Variants in CAST observed in about 807,000 individuals in gnomAD.
The protein encoded by CAST is calpastatin.
CAST carries 76 observed loss-of-function variants against 119.6 expected under a neutral mutation model. That is an observed-to-expected ratio of 0.64 (90% confidence interval 0.53 to 0.77). The LOEUF (loss-of-function observed/expected upper bound fraction) is 0.77. Ranked by LOEUF, CAST falls within the 30% of genes least tolerant of loss-of-function variation. The pLI is 0.00. For missense variants in CAST, 953 were observed against 946.5 expected (o/e 1.01, Z -0.09); for synonymous variants, 319 against 331.6 (o/e 0.96, Z 0.41).
At chr5:96,283,776 T>C in the CAST span, among the ~76,000 whole-genome samples, 1 of 152,216 alleles carries the variant, frequency 6.6e-6, no homozygotes. Context: ...ATCTTGCTTG[T>C]AAAGTGTCGT....
the CAST span, among the ~76,000 whole-genome samples, chr5:96,490,654 T>C: frequency 2.0e-5 from 3 of 152,066 alleles, no homozygotes; most frequent in Non-Finnish European, 4.4e-5. Flanking sequence ...AGTGGGGATT[T>C]GTCATCACAA....
the CAST span, among the ~76,000 whole-genome samples, chr5:96,049,526 T>C: frequency 1.3e-5 from 2 of 152,042 alleles, no homozygotes; most frequent in Non-Finnish European, 2.9e-5. Flanking sequence ...CAGGGGCTGA[T>C]TGAATGCCTC....
rs13184028 is a variant in CAST, at chr5:96,614,833, G to T, written c.61-60706G>T. Among the ~76,000 whole-genome samples the T allele has an allele frequency of 3.5e-3, 533 of 152,252 alleles. 2 individuals carry two copies. Among genetic ancestry groups the T allele is most frequent in the South Asian group, 0.016 (76 of 4,816 alleles). On this transcript the variant is annotated intron_variant, in intron 1 of 11. Transcript: ENST00000505143. ...TCCCACCCTAAGCTTGGTAAAATGA[G>T]GCACCTGTCACTAAGAAGGCTAATG...
the CAST span, among the ~76,000 whole-genome samples, chr5:96,224,614 G>A: frequency 6.6e-6 from 1 of 152,170 alleles, no homozygotes; most frequent in African/African-American, 2.4e-5. Flanking sequence ...GGAGCATCTG[G>A]AAGAAGCAAG....
the CAST span, among the ~76,000 whole-genome samples, chr5:96,466,165 T>A: frequency 4.6e-5 from 7 of 152,136 alleles, no homozygotes; most frequent in African/African-American, 1.7e-4. Context: ...GTACTATCTG[T>A]ATAGTTAATT....
intron 1 of CAST, among the ~76,000 whole-genome samples, chr5:96,601,273 TTTCTTTA>T (rs1747147740): frequency 6.6e-6 from 1 of 152,220 alleles, no homozygotes; most frequent in Non-Finnish European, 1.5e-5. Context: ...TGTGTCCTAC[TTTCTTTA>T]TTGAATGGCA....
chr5:96,565,804 A>G (rs1172988398), intron 1 of CAST, among the ~76,000 whole-genome samples: 1 of 152,196 alleles, frequency 6.6e-6, no homozygotes, highest in Non-Finnish European at 1.5e-5. Context: ...GCTCTCCTAC[A>G]GGGTAATTGG....
the CAST span, among the ~76,000 whole-genome samples, chr5:96,089,066 CTTTTTTTTT>C: frequency 1.7e-5 from 2 of 117,718 alleles, no homozygotes; most frequent in Non-Finnish European, 3.6e-5. Context: ...CTCCAAAAAT[CTTTTTTTTT>C]TTTTTTTTTT....
the CAST span, among the ~76,000 whole-genome samples, chr5:96,279,905 C>T: frequency 2.6e-5 from 4 of 152,198 alleles, no homozygotes; most frequent in Non-Finnish European, 5.9e-5. Context: ...GTTCAGATAG[C>T]CCCACTAACA....
chr5:96,506,293 A>G, the CAST span, among the ~76,000 whole-genome samples: 2 of 152,066 alleles, frequency 1.3e-5, no homozygotes, highest in African/African-American at 4.8e-5. Flanking sequence ...AATCTTTTGC[A>G]TAATATTTAT....
At chr5:96,286,821 T>G in the CAST span, among the ~76,000 whole-genome samples, 1 of 152,192 alleles carries the variant, frequency 6.6e-6, no homozygotes, top group Non-Finnish European at 1.5e-5. Context: ...TTATTTTCTC[T>G]TACTAGAGTG....
the CAST span, among the ~76,000 whole-genome samples, chr5:95,972,511 G>A: frequency 6.6e-6 from 1 of 151,560 alleles, no homozygotes; most frequent in Admixed American, 6.6e-5. Flanking sequence ...GTGTTTGTTT[G>A]CCATTAGTAT....
At chr5:96,127,768 G>T in the CAST span, among the ~76,000 whole-genome samples, 1 of 152,006 alleles carries the variant, frequency 6.6e-6, no homozygotes, top group African/African-American at 2.4e-5. Flanking sequence ...GGCAATTGGT[G>T]CAACTTACAA....
At chr5:96,321,758 C>A in the CAST span, among the ~76,000 whole-genome samples, 1 of 152,050 alleles carries the variant, frequency 6.6e-6, no homozygotes, top group South Asian at 2.1e-4. Flanking sequence ...CATTATAAAA[C>A]GTTTGAGTTA....
At chr5:96,171,717 T>C in the CAST span, among the ~76,000 whole-genome samples, 1 of 152,102 alleles carries the variant, frequency 6.6e-6, no homozygotes, top group Non-Finnish European at 1.5e-5. Flanking sequence ...GAGATTGAAG[T>C]GTGGCGCCAA....
At chr5:96,434,614 T>G in the CAST span, among the ~76,000 whole-genome samples, 1 of 140,878 alleles carries the variant, frequency 7.1e-6, no homozygotes, top group Non-Finnish European at 1.5e-5. Flanking sequence ...TTTGTTTTTT[T>G]TTTTGTTGTT....
chr5:96,352,104 G>A, the CAST span, among the ~76,000 whole-genome samples: 1 of 152,128 alleles, frequency 6.6e-6, no homozygotes, highest in Admixed American at 6.6e-5. Context: ...GATGGCCAAA[G>A]ACTGGCTGGA....
intron 3 of CAST, among the ~76,000 whole-genome samples, chr5:96,697,291 G>A (rs1238403319): frequency 1.3e-5 from 2 of 151,734 alleles, no homozygotes; most frequent in Non-Finnish European, 2.9e-5. Flanking sequence ...TTTAACGTAA[G>A]CTTTTTTTTT....
At chr5:95,983,179 C>A in the CAST span, among the ~76,000 whole-genome samples, 1 of 152,232 alleles carries the variant, frequency 6.6e-6, no homozygotes, top group Admixed American at 6.5e-5. Flanking sequence ...AGAACAACAA[C>A]AAGTTGATGA....
Sources: gnomAD v4.1 joint callset for allele counts (sites outside exome capture counted in the v4.1 genomes callset) on GRCh38, gnomAD v4.1.1 for gene constraint, MANE v1.5 for transcripts, NCBI Gene and HGNC (gene_info 2026-07-23, HGNC 2026-07-21) for gene names.